The following ATF7IP variants were observed in gnomAD, a reference collection of about 807,000 sequenced individuals.
The protein encoded by ATF7IP is activating transcription factor 7-interacting protein 1.
ATF7IP carries 23 observed loss-of-function variants against 106.4 expected under a neutral mutation model. That is an observed-to-expected ratio of 0.22 (90% CI 0.16 to 0.31). ATF7IP has a LOEUF of 0.31. Among genes scored for constraint, ATF7IP ranks in the 10% least tolerant of loss-of-function variants. The pLI, the probability that ATF7IP is intolerant of heterozygous loss-of-function variation, is 1.00. For synonymous variants in ATF7IP, 542 were observed against 539.0 expected (o/e 1.01, Z -0.08); for missense variants, 1,334 against 1,524.3 (o/e 0.88, Z 2.08).
At chr12:14,474,181 GTTTTTC>G (rs1302368581) in intron 10 of ATF7IP, among the ~76,000 whole-genome samples, 5 of 151,232 alleles carry the variant, frequency 3.3e-5, no homozygotes, top group Non-Finnish European at 5.9e-5. Context: ...ATTTTCTTCT[GTTTTTC>G]TTTGTGTCCT....
intron 1 of ATF7IP, among the ~76,000 whole-genome samples, chr12:14,402,351 T>G (rs970953310): frequency 1.3e-5 from 2 of 151,418 alleles, no homozygotes; most frequent in Non-Finnish European, 2.9e-5. Context: ...TGGTCTTGAA[T>G]TCCTGGGCTC....
At chr12:14,476,049 A>C (rs1310650307) in intron 11 of ATF7IP, 81 bp downstream of exon 11, 3 of 979,952 alleles carry the variant, frequency 3.1e-6, no homozygotes, top group Non-Finnish European at 4.8e-6. Flanking sequence ...CTACAAAGAC[A>C]GATGTTTATG....
chr12:14,483,513 G>A (rs913379772), intron 13 of ATF7IP, among the ~76,000 whole-genome samples: 1 of 152,156 alleles, frequency 6.6e-6, no homozygotes, highest in Non-Finnish European at 1.5e-5. Flanking sequence ...CCTGGTGGGA[G>A]CGTTCCTCCC....
chr12:14,396,533 G>A (rs1349847981), intron 1 of ATF7IP, among the ~76,000 whole-genome samples: 1 of 152,086 alleles, frequency 6.6e-6, no homozygotes, highest in African/African-American at 2.4e-5. Flanking sequence ...TTGACAAAAT[G>A]ATGATAGTAG....
chr12:14,417,861 T>C (rs1461008546), intron 1 of ATF7IP, among the ~76,000 whole-genome samples: 9 of 152,200 alleles, frequency 5.9e-5, no homozygotes, highest in Non-Finnish European at 1.3e-4. Context: ...TTATTGTCTG[T>C]CTCCTGTTGC....
At chr12:14,494,832 C>T (rs1436645441) in intron 13 of ATF7IP, among the ~76,000 whole-genome samples, 2 of 148,488 alleles carry the variant, frequency 1.3e-5, no homozygotes, top group Non-Finnish European at 3.0e-5. Flanking sequence ...ACTTGGGAGG[C>T]TGAGGCAGGA....
chr12:14,453,451 C>T (rs180694071), intron 6 of ATF7IP, among the ~76,000 whole-genome samples: 114 of 152,062 alleles, frequency 7.5e-4, no homozygotes, highest in African/African-American at 2.4e-3. Flanking sequence ...CGGTTTGATC[C>T]GGTCTGCTCT....
chr12:14,456,343 A>G (rs1429685686), intron 6 of ATF7IP, among the ~76,000 whole-genome samples: 1 of 152,236 alleles, frequency 6.6e-6, no homozygotes, highest in Non-Finnish European at 1.5e-5. Context: ...CTCTCAAATG[A>G]TAAGCAGTTG....
intron 1 of ATF7IP, among the ~76,000 whole-genome samples, chr12:14,367,853 T>C (rs1938371741): frequency 6.6e-6 from 1 of 152,112 alleles, no homozygotes; most frequent in South Asian, 2.1e-4. Context: ...ATTAGTACTT[T>C]GTCAATAACA....
chr12:14,459,304 C>G (rs1591910091), intron 8 of ATF7IP, among the ~76,000 whole-genome samples: 1 of 151,944 alleles, frequency 6.6e-6, no homozygotes, highest in Admixed American at 6.6e-5. Flanking sequence ...AACTATCCTA[C>G]TTTGGCACGC....
At chr12:14,382,617 A>G (rs11055957) in intron 1 of ATF7IP, among the ~76,000 whole-genome samples, 47,627 of 152,082 alleles carry the variant, frequency 0.31, 9,060 homozygotes, top group Admixed American at 0.46. Flanking sequence ...CTTCCTAGAA[A>G]GTAGGAGTTG....
chr12:14,429,487 C>T (rs1356178295), intron 2 of ATF7IP, among the ~76,000 whole-genome samples: 2 of 152,200 alleles, frequency 1.3e-5, no homozygotes, highest in African/African-American at 2.4e-5. Flanking sequence ...TAAACACTGA[C>T]ATAGTTTCCT....
intron 8 of ATF7IP, among the ~76,000 whole-genome samples, chr12:14,458,892 A>G (rs1943538210): frequency 6.6e-6 from 1 of 152,008 alleles, no homozygotes; most frequent in South Asian, 2.1e-4. Flanking sequence ...TTCATTGATC[A>G]TTTGAAAACT....
At chr12:14,435,483 G>T (rs999926233) in intron 3 of ATF7IP, among the ~76,000 whole-genome samples, 2 of 152,134 alleles carry the variant, frequency 1.3e-5, no homozygotes, top group Admixed American at 1.3e-4. Context: ...ATACAAATTT[G>T]CTTATGATCT....
intron 6 of ATF7IP, among the ~76,000 whole-genome samples, chr12:14,450,385 G>T (rs1245698681): frequency 6.6e-6 from 1 of 152,124 alleles, no homozygotes; most frequent in Non-Finnish European, 1.5e-5. Context: ...CCATGAAAGG[G>T]TGTTGAATTT....
Position 14,423,894 on chromosome 12 carries a change from T to C in ATF7IP, c.-7-15T>C, listed in dbSNP as rs564900701. The C allele has an allele frequency of 2.0e-5, 31 of 1,553,222 alleles. No individual in the cohort carries two copies. The South Asian group carries it at 2.7e-4, about 14-fold the overall frequency. On this transcript the variant is annotated splice_polypyrimidine_tract_variant and intron_variant, in intron 1 of 14. Coordinates refer to ENST00000261168, the MANE Select transcript of ATF7IP (RefSeq NM_018179.5). ...TGTTTCAGTTATTAAACTCTCTTTC[T>C]CTTTTTTCTTAAAGATTCAGAATGG...
chr12:14,456,471 T>C (rs1943427697), intron 6 of ATF7IP, 90 bp from the exon 7 acceptor site: 10 of 794,824 alleles, frequency 1.3e-5, no homozygotes, highest in Admixed American at 2.0e-5. Context: ...ACAGATAATA[T>C]ATTGACAGGC....
At chr12:14,477,052 C>G (rs1023270855) in intron 11 of ATF7IP, among the ~76,000 whole-genome samples, 1 of 152,146 alleles carries the variant, frequency 6.6e-6, no homozygotes, top group African/African-American at 2.4e-5. Flanking sequence ...ATTTCTCAAA[C>G]TTACTTGGCT....
chr12:14,373,763 T>C (rs1407788325), intron 1 of ATF7IP, among the ~76,000 whole-genome samples: 3 of 152,174 alleles, frequency 2.0e-5, no homozygotes, highest in African/African-American at 4.8e-5. Flanking sequence ...CTGTATATTT[T>C]CCATTGAAAT....
Sources: allele counts gnomAD v4.1 joint callset (sites outside exome capture counted in the v4.1 genomes callset), GRCh38; gene constraint gnomAD v4.1.1; transcripts MANE v1.5; gene names NCBI Gene and HGNC (gene_info 2026-07-23, HGNC 2026-07-21).